The following ANKS1B variants were observed in gnomAD, a reference collection of about 807,000 sequenced individuals.
ANKS1B encodes ankyrin repeat and sterile alpha motif domain containing 1B, also known as ankyrin repeat and sterile alpha motif domain-containing protein 1B.
ANKS1B carries 36 observed loss-of-function variants against 148.3 expected under a neutral mutation model. The observed-to-expected ratio is 0.24, with a 90% CI of 0.19 to 0.32. ANKS1B has a LOEUF of 0.32. ANKS1B is among the 10% of genes least tolerant of loss of function. The pLI is 1.00. For missense variants in ANKS1B, 1,157 were observed against 1,542.6 expected (o/e 0.75, Z 4.19); for synonymous variants, 542 against 560.8 (o/e 0.97, Z 0.47).
chr12:99,350,152 A>G (rs1049798617), intron 12 of ANKS1B, among the ~76,000 whole-genome samples: 4 of 151,832 alleles, frequency 2.6e-5, no homozygotes, highest in African/African-American at 9.7e-5. Context: ...TGGTTGTTTC[A>G]AATGTGTAGC....
chr12:99,408,079 C>T (rs1163166245), intron 11 of ANKS1B, among the ~76,000 whole-genome samples: 1 of 146,030 alleles, frequency 6.8e-6, no homozygotes, highest in African/African-American at 2.6e-5. Context: ...GGAGGAATCA[C>T]ATTGCCTGAC....
chr12:99,925,585 C>T (rs2094461401), intron 1 of ANKS1B, among the ~76,000 whole-genome samples: 1 of 152,102 alleles, frequency 6.6e-6, no homozygotes, highest in South Asian at 2.1e-4. Context: ...GCTCCCAATG[C>T]ACCCTTCTTT....
chr12:99,105,089 A>G (rs2058844822), intron 15 of ANKS1B: 2 of 152,256 alleles, frequency 1.3e-5, no homozygotes, highest in African/African-American at 4.8e-5. Flanking sequence ...ATAAAGTGCT[A>G]GATCCATCCA....
intron 10 of ANKS1B, among the ~76,000 whole-genome samples, chr12:99,462,449 T>TC (rs2152861381): frequency 6.6e-6 from 1 of 152,334 alleles, no homozygotes; most frequent in Admixed American, 6.5e-5. Context: ...CAGCTGCCAT[T>TC]TCTGGCTTCC....
chr12:99,966,904 T>A (rs762967065), intron 1 of ANKS1B, among the ~76,000 whole-genome samples: 1 of 152,088 alleles, frequency 6.6e-6, no homozygotes, highest in African/African-American at 2.4e-5. Flanking sequence ...AAATACTAAA[T>A]CTTTGGTGAC....
intron 1 of ANKS1B, among the ~76,000 whole-genome samples, chr12:99,947,655 C>T (rs530061084): frequency 6.6e-6 from 1 of 152,204 alleles, no homozygotes; most frequent in Non-Finnish European, 1.5e-5. Flanking sequence ...TTTTGTAGGT[C>T]AGAAGTCTGA....
At chr12:99,051,961 C>A (rs2099966380) in intron 17 of ANKS1B, among the ~76,000 whole-genome samples, 1 of 152,168 alleles carries the variant, frequency 6.6e-6, no homozygotes, top group African/African-American at 2.4e-5. Context: ...TAGAACAGAG[C>A]ACTTTTGAAC....
At chr12:99,308,648 C>CA (rs1566858320) in intron 12 of ANKS1B, among the ~76,000 whole-genome samples, 1 of 150,832 alleles carries the variant, frequency 6.6e-6, no homozygotes, top group African/African-American at 2.4e-5. Flanking sequence ...TGTTAAGATC[C>CA]AAAAAAAACT....
At chr12:99,330,161 G>T (rs955832245) in intron 12 of ANKS1B, among the ~76,000 whole-genome samples, 1 of 151,874 alleles carries the variant, frequency 6.6e-6, no homozygotes, top group African/African-American at 2.4e-5. Flanking sequence ...CAATCCAAGG[G>T]CTATGGACTA....
At position 99,373,301 on chromosome 12, in the gene ANKS1B, T is replaced by C. The variant is rs2093238472; in HGVS notation, c.1756+26330A>G. On this transcript the variant is annotated intron_variant, in intron 12 of 26. Coordinates refer to ENST00000683438, the MANE Select transcript of ANKS1B (RefSeq NM_001352186.2). ...GAGGTATCGTATGACAATTGGAAGA[T>C]ACAGAAATAAATTCCCAGGGTTTCA... 2.0e-5 allele frequency among the ~76,000 whole-genome samples: 3 copies of C among 152,112 alleles called. No homozygotes were observed. The South Asian group carries it at 6.2e-4, about 32-fold the overall frequency.
At chr12:99,202,905 A>G (rs1013089868) in intron 14 of ANKS1B, among the ~76,000 whole-genome samples, 2 of 152,004 alleles carry the variant, frequency 1.3e-5, no homozygotes, top group Non-Finnish European at 2.9e-5. Flanking sequence ...CTCCCTCTCC[A>G]AGTGTCCTAC....
chr12:99,100,171 T>C (rs1177214443), intron 15 of ANKS1B, among the ~76,000 whole-genome samples: 1 of 152,228 alleles, frequency 6.6e-6, no homozygotes, highest in Non-Finnish European at 1.5e-5. Flanking sequence ...CCTTGGAAAC[T>C]ACTGAGGTCA....
rs377060650 is a variant in ANKS1B, at chr12:99,578,010, A to T, written c.1273-73369T>A. Among the ~76,000 whole-genome samples the T allele has an allele frequency of 2.1e-3, 321 of 152,294 alleles. 1 individual carries two copies. The highest frequency in any genetic ancestry group is 7.5e-3 in the African/African-American group (313 of 41,570). ...AAACCAAATCCAGCTGTGATCAAAA[A>T]GTTAATTCACCCCAATCAAGTAGGC... On this transcript the variant is annotated intron_variant, in intron 9 of 26. Coordinates refer to ENST00000683438, the MANE Select transcript of ANKS1B (RefSeq NM_001352186.2).
intron 25 of ANKS1B, among the ~76,000 whole-genome samples, chr12:98,761,558 A>G (rs2098406619): frequency 1.3e-5 from 2 of 152,124 alleles, no homozygotes; most frequent in Admixed American, 1.3e-4. Flanking sequence ...TTCCCTTGAT[A>G]TGGAGCTTCC....
At chr12:99,969,337 C>A (rs909390393) in intron 1 of ANKS1B, among the ~76,000 whole-genome samples, 1 of 152,068 alleles carries the variant, frequency 6.6e-6, no homozygotes, top group Non-Finnish European at 1.5e-5. Flanking sequence ...CGCTACCACA[C>A]CCAGCTATTT....
At chr12:99,868,530 T>C (rs2091052339) in intron 1 of ANKS1B, among the ~76,000 whole-genome samples, 1 of 151,528 alleles carries the variant, frequency 6.6e-6, no homozygotes, top group Admixed American at 6.6e-5. Context: ...AAGAAAGAAA[T>C]TTCATGCAGA....
At chr12:98,990,550 A>AAG (rs145443410) in intron 17 of ANKS1B, among the ~76,000 whole-genome samples, 177 of 149,000 alleles carry the variant, frequency 1.2e-3, no homozygotes, top group African/African-American at 3.7e-3. Context: ...CAGGATGATA[A>AAG]AGAGAGAGAG....
intron 17 of ANKS1B, among the ~76,000 whole-genome samples, chr12:98,976,227 G>T (rs55958542): frequency 1.3e-5 from 2 of 152,060 alleles, no homozygotes; most frequent in Non-Finnish European, 2.9e-5. Flanking sequence ...GCAGCCTGGG[G>T]GATGGGGAGA....
chr12:99,471,157 T>TAATACTCACA (rs2096235936), intron 10 of ANKS1B, among the ~76,000 whole-genome samples: 1 of 152,138 alleles, frequency 6.6e-6, no homozygotes, highest in Non-Finnish European at 1.5e-5. Flanking sequence ...CTTTTTTTCT[T>TAATACTCACA]AATACTCACA....
Sources: gnomAD v4.1 joint callset for allele counts (sites outside exome capture counted in the v4.1 genomes callset) on GRCh38, gnomAD v4.1.1 for gene constraint, MANE v1.5 for transcripts, NCBI Gene and HGNC (gene_info 2026-07-23, HGNC 2026-07-21) for gene names.